TSHZ2: variants seen among roughly 807,000 people sequenced by gnomAD.
TSHZ2 encodes teashirt homolog 2.
A neutral mutation model predicts 74.4 loss-of-function variants in TSHZ2; 21 were observed. The observed-to-expected ratio is 0.28, with a 90% CI of 0.20 to 0.41. The LOEUF is 0.41. Ranked by LOEUF, TSHZ2 falls within the 10% of genes least tolerant of loss-of-function variation. TSHZ2 has a pLI of 1.00. For missense variants in TSHZ2, 1,244 were observed against 1,293.5 expected (o/e 0.96, Z 0.59); for synonymous variants, 540 against 515.3 (o/e 1.05, Z -0.65).
chr20:53,005,040 T>A (rs1215195144), intron 1 of TSHZ2, among the ~76,000 whole-genome samples: 1 of 152,138 alleles, frequency 6.6e-6, no homozygotes, highest in Admixed American at 6.6e-5. Flanking sequence ...AAGCCGGGCC[T>A]GGTGGCTCAC....
intron 2 of TSHZ2, among the ~76,000 whole-genome samples, chr20:53,446,495 C>T (rs186241172): frequency 7.4e-4 from 109 of 148,038 alleles, no homozygotes; most frequent in African/African-American, 2.1e-3. Context: ...AGGAGAATGG[C>T]GTGAACCCAG....
intron 2 of TSHZ2, among the ~76,000 whole-genome samples, chr20:53,325,548 G>A (rs1356227250): frequency 6.6e-6 from 1 of 152,160 alleles, no homozygotes; most frequent in Non-Finnish European, 1.5e-5. Flanking sequence ...GGACTTCAGT[G>A]ATGGGCCAGG....
chr20:53,066,625 A>G (rs1194834612), intron 1 of TSHZ2, among the ~76,000 whole-genome samples: 1 of 152,108 alleles, frequency 6.6e-6, no homozygotes, highest in Non-Finnish European at 1.5e-5. Context: ...CTCCCGCCTC[A>G]GCCTCCTGAG....
chr20:53,318,892 G>T (rs1979133847), intron 2 of TSHZ2, among the ~76,000 whole-genome samples: 1 of 152,136 alleles, frequency 6.6e-6, no homozygotes, highest in Non-Finnish European at 1.5e-5. Flanking sequence ...CCACATGGCT[G>T]GAAAGGCCTC....
At chr20:53,043,622 C>G (rs970592162) in intron 1 of TSHZ2, among the ~76,000 whole-genome samples, 2 of 152,104 alleles carry the variant, frequency 1.3e-5, no homozygotes, top group African/African-American at 4.8e-5. Flanking sequence ...CTTCATAGAT[C>G]AAATCAAAGT....
intron 2 of TSHZ2, among the ~76,000 whole-genome samples, chr20:53,442,806 G>A (rs1019648059): frequency 7.2e-5 from 11 of 152,102 alleles, no homozygotes; most frequent in African/African-American, 2.2e-4. Context: ...GTATTCCCCC[G>A]TTTCGATATC....
At chr20:52,986,666 T>C (rs1315977247) in intron 1 of TSHZ2, among the ~76,000 whole-genome samples, 1 of 149,792 alleles carries the variant, frequency 6.7e-6, no homozygotes, top group African/African-American at 2.5e-5. Context: ...GAGGCGGAGA[T>C]TGAAGTGAGC....
At chr20:53,353,274 G>T (rs1980726275) in intron 2 of TSHZ2, among the ~76,000 whole-genome samples, 1 of 152,142 alleles carries the variant, frequency 6.6e-6, no homozygotes, top group African/African-American at 2.4e-5. Context: ...GTGTGAGCGG[G>T]TTGCTGATGG....
rs1986375351 is a variant in TSHZ2 at position 53,489,063 on chromosome 20, A to G, written c.*1928A>G. The stretch of plus-strand genomic sequence containing the variant: ...CATCATCGGATTGAGATGGCAGTCG[A>G]AATAGCTTCATTGAAGTGTCAGCAC... On this transcript the variant is annotated 3_prime_UTR_variant, in exon 3 of 3. Transcript: ENST00000371497. 2.2e-6 allele frequency: 1 copy of G among 456,258 alleles called. No individual in the cohort carries two copies. The allele number at this position is 456,258 out of a possible 1,614,324, so 28.3% of individuals were successfully genotyped here.
chr20:53,056,073 A>G (rs770255751), intron 1 of TSHZ2, among the ~76,000 whole-genome samples: 1 of 152,180 alleles, frequency 6.6e-6, no homozygotes, highest in African/African-American at 2.4e-5. Context: ...TTGTTTCTGA[A>G]TTCTACTCTT....
chr20:53,215,577 G>T (rs1404280414), intron 1 of TSHZ2, among the ~76,000 whole-genome samples: 1 of 150,780 alleles, frequency 6.6e-6, no homozygotes. Flanking sequence ...TATTAAAAAT[G>T]TAAGAAAGGC....
chr20:53,281,925 CTG>C (rs775319114), intron 2 of TSHZ2, among the ~76,000 whole-genome samples: 5 of 152,214 alleles, frequency 3.3e-5, no homozygotes, highest in East Asian at 1.9e-4. Flanking sequence ...CAAGGGCACT[CTG>C]TGTGTACTGG....
intron 2 of TSHZ2, among the ~76,000 whole-genome samples, chr20:53,280,665 TTTGTTG>T (rs142111177): frequency 1.2e-4 from 17 of 140,618 alleles, no homozygotes; most frequent in Non-Finnish European, 1.1e-4. Flanking sequence ...TTGTTTGTTT[TTTGTTG>T]TTGTTGTTGT....
chr20:52,976,069 T>A (rs541736320), intron 1 of TSHZ2, among the ~76,000 whole-genome samples: 1 of 152,356 alleles, frequency 6.6e-6, no homozygotes, highest in East Asian at 1.9e-4. Flanking sequence ...TCCCAAGAAC[T>A]GTTCCAGGCA....
At chr20:53,095,673 A>G (rs954885286) in intron 1 of TSHZ2, among the ~76,000 whole-genome samples, 18 of 152,154 alleles carry the variant, frequency 1.2e-4, no homozygotes, top group African/African-American at 4.3e-4. Context: ...GGGCCAGATA[A>G]TTCTTCGTTA....
chr20:53,030,538 C>A (rs1983597881), intron 1 of TSHZ2, among the ~76,000 whole-genome samples: 1 of 152,176 alleles, frequency 6.6e-6, no homozygotes, highest in Non-Finnish European at 1.5e-5. Flanking sequence ...TTTTTTATAT[C>A]ATGGTTGCCC....
intron 1 of TSHZ2, among the ~76,000 whole-genome samples, chr20:53,179,821 G>A (rs1988428073): frequency 6.6e-6 from 1 of 152,152 alleles, no homozygotes; most frequent in Admixed American, 6.5e-5. Flanking sequence ...ATAAATGCCA[G>A]CTTTTTTATC....
At chr20:53,216,605 A>C (rs961468195) in intron 1 of TSHZ2, among the ~76,000 whole-genome samples, 2 of 152,224 alleles carry the variant, frequency 1.3e-5, no homozygotes, top group Non-Finnish European at 2.9e-5. Flanking sequence ...AAATGCTGTG[A>C]AAAGCTCCTT....
At chr20:53,226,941 G>A (rs777160068) in intron 1 of TSHZ2, among the ~76,000 whole-genome samples, 4 of 152,206 alleles carry the variant, frequency 2.6e-5, no homozygotes, top group African/African-American at 9.7e-5. Flanking sequence ...TCGGGGAACT[G>A]AAACTCCAAG....
Sources: allele counts gnomAD v4.1 joint callset (sites outside exome capture counted in the v4.1 genomes callset), GRCh38; gene constraint gnomAD v4.1.1; transcripts MANE v1.5; gene names NCBI Gene and HGNC (gene_info 2026-07-23, HGNC 2026-07-21).